The following ABCC1 variants were observed in gnomAD, a reference collection of about 807,000 sequenced individuals.
ABCC1 encodes multidrug resistance-associated protein 1.
ABCC1 carries 83 observed loss-of-function variants against 172.9 expected under a neutral mutation model. The observed-to-expected ratio is 0.48, with a 90% CI of 0.40 to 0.58. The LOEUF is 0.58. ABCC1 is among the 20% of genes least tolerant of loss of function. The pLI is 0.00. For synonymous variants in ABCC1, 937 were observed against 825.2 expected, an observed-to-expected ratio of 1.14 and a Z score of -2.32; for missense variants, 1,817 against 2,002.7, an observed-to-expected ratio of 0.91 and a Z score of 1.77.
At chr16:16,068,874 C>G (rs567067162) in intron 13 of ABCC1, among the ~76,000 whole-genome samples, 1 of 151,840 alleles carries the variant, frequency 6.6e-6, no homozygotes, top group East Asian at 1.9e-4. Context: ...GTAATCCCAG[C>G]TACTCGGAAG....
chr16:15,971,184 GC>G (rs1567279862), intron 1 of ABCC1, among the ~76,000 whole-genome samples: 2 of 152,198 alleles, frequency 1.3e-5, no homozygotes, highest in Non-Finnish European at 2.9e-5. Flanking sequence ...TGTCTGATTT[GC>G]ATAGGCCTCA....
chr16:16,110,206 C>A (rs1431696804), intron 21 of ABCC1, among the ~76,000 whole-genome samples: 3 of 151,796 alleles, frequency 2.0e-5, no homozygotes, highest in African/African-American at 7.3e-5. Flanking sequence ...CTTCAAGCGA[C>A]CCTTGTGCCT....
chr16:16,102,427 G>A (rs1036254147), intron 19 of ABCC1, among the ~76,000 whole-genome samples, 200 bp from the exon 20 acceptor site: 1 of 152,128 alleles, frequency 6.6e-6, no homozygotes, highest in East Asian at 1.9e-4. Context: ...CTACCCCAAG[G>A]GACTGAGCTC....
intron 12 of ABCC1, among the ~76,000 whole-genome samples, chr16:16,059,883 C>CT (rs925078261): frequency 5.3e-5 from 8 of 151,060 alleles, no homozygotes; most frequent in African/African-American, 1.9e-4. Flanking sequence ...GTCATCCAAG[C>CT]TTTTTGGGAG....
chr16:15,994,374 T>A (rs1464249530), intron 1 of ABCC1, among the ~76,000 whole-genome samples: 1 of 152,122 alleles, frequency 6.6e-6, no homozygotes, highest in Non-Finnish European at 1.5e-5. Flanking sequence ...ACATAAACTC[T>A]CTGGACCTCA....
At position 16,106,843 on chromosome 16, in the gene ABCC1, G is replaced by A; in HGVS notation, c.2841G>A (p.Leu947=). ...AEAKKEETWK[L]MEADKAQTGQ... is the part of the protein sequence containing the mutation. Reference sequence around the variant, plus strand: ...CCAAGAAGGAGGAGACCTGGAAGCTGATGGAGGCTGACAAGGCGCAGACAG... The same window carrying A: ...CCAAGAAGGAGGAGACCTGGAAGCTAATGGAGGCTGACAAGGCGCAGACAG... Residue 947 remains leucine, a synonymous_variant, in exon 21 of 31, where the codon CTG becomes CTA. Coordinates refer to ENST00000399410, the MANE Select transcript of ABCC1 (RefSeq NM_004996.4). The A allele has an allele frequency of 6.2e-7, 1 of 1,614,176 alleles. No individual in the cohort carries two copies. Among genetic ancestry groups the A allele is most frequent in the Non-Finnish European group, 8.5e-7 (1 of 1,180,046 alleles).
intron 28 of ABCC1, among the ~76,000 whole-genome samples, chr16:16,135,867 G>A (rs2045896765): frequency 1.3e-5 from 2 of 152,106 alleles, no homozygotes; most frequent in Non-Finnish European, 1.5e-5. Context: ...GTTGGATGAC[G>A]GGAGAATCCA....
intron 1 of ABCC1, among the ~76,000 whole-genome samples, chr16:15,956,176 C>G (rs2045993171): frequency 6.6e-6 from 1 of 152,062 alleles, no homozygotes; most frequent in Admixed American, 6.6e-5. Flanking sequence ...GAGTTTGAGA[C>G]CAGCCTGGCC....
At chr16:15,961,601 A>T (rs1027807037) in intron 1 of ABCC1, among the ~76,000 whole-genome samples, 3 of 152,118 alleles carry the variant, frequency 2.0e-5, no homozygotes, top group Non-Finnish European at 2.9e-5. Context: ...ATGCAAATGT[A>T]TGTGCAAGAA....
chr16:16,010,031 T>G, intron 3 of ABCC1, 130 bp downstream of exon 3: 1 of 421,370 alleles, frequency 2.4e-6, no homozygotes, highest in Non-Finnish European at 3.7e-6. Context: ...ATAAATTAAA[T>G]GTAGCCTTTT....
At chr16:16,005,701 C>A (rs62029839) in intron 1 of ABCC1, among the ~76,000 whole-genome samples, 78,385 of 152,032 alleles carry the variant, frequency 0.52, 20,727 homozygotes, top group Non-Finnish European at 0.59. Context: ...TCACGCCTGT[C>A]ATTCCAACAC....
intron 1 of ABCC1, among the ~76,000 whole-genome samples, chr16:15,950,557 G>T (rs910384260): frequency 2.0e-5 from 3 of 152,134 alleles, no homozygotes; most frequent in East Asian, 1.9e-4. Flanking sequence ...TTTAACCCCG[G>T]CAAGTTTTCT....
At chr16:16,040,047 G>GTTGT (rs201830811) in intron 7 of ABCC1, among the ~76,000 whole-genome samples, 15 of 148,196 alleles carry the variant, frequency 1.0e-4, no homozygotes, top group East Asian at 3.9e-4. Context: ...CGTGAGTTCT[G>GTTGT]TTGTTTGTTT....
At chr16:16,058,903 G>A (rs921130593) in intron 12 of ABCC1, among the ~76,000 whole-genome samples, 2 of 152,120 alleles carry the variant, frequency 1.3e-5, no homozygotes, top group Admixed American at 6.6e-5. Context: ...AGATCTACCC[G>A]CCTTGGCCTC....
chr16:16,029,034 A>G (rs144445149), intron 5 of ABCC1, among the ~76,000 whole-genome samples: 416 of 152,132 alleles, frequency 2.7e-3, no homozygotes, highest in African/African-American at 9.5e-3. Flanking sequence ...GCACTTAACA[A>G]ACTCCTTAGG....
At chr16:16,055,990 C>CA in intron 11 of ABCC1, 102 bp from the exon 12 acceptor site, 2 of 1,015,768 alleles carry the variant, frequency 2.0e-6, no homozygotes, top group Non-Finnish European at 2.9e-6. Flanking sequence ...ATTTACATGT[C>CA]AAAGTATATA....
At position 16,134,651 on chromosome 16, in the gene ABCC1, T is replaced by G; in HGVS notation, c.4125+143T>G. 2 of 860,994 alleles carry G rather than the reference T, an allele frequency of 2.3e-6. 1 individual carries two copies. Among genetic ancestry groups the G allele is most frequent in the Non-Finnish European group, 3.3e-6 (2 of 603,508 alleles). 53.3% of individuals were successfully genotyped at this position (860,994 alleles called of 1,614,324 possible). A position where few individuals can be genotyped will look rare whatever the true frequency, so the allele number is the denominator to read the frequency against. On this transcript the variant is annotated intron_variant, in intron 28 of 30. Transcript: ENST00000399410. ...TTTTTTTTTTTTTTTTTTTTTTTTTTCCTGAAACAGGGTCTCGCTCTGTTG... is the reference window on the plus strand; with the variant it reads ...TTTTTTTTTTTTTTTTTTTTTTTTTGCCTGAAACAGGGTCTCGCTCTGTTG...
chr16:15,988,658 T>C (rs2046794275), intron 1 of ABCC1, among the ~76,000 whole-genome samples: 1 of 152,106 alleles, frequency 6.6e-6, no homozygotes, highest in Non-Finnish European at 1.5e-5. Flanking sequence ...GGCCTCATGG[T>C]GCTTGGGAGA....
chr16:16,097,175 C>A (rs575274254), intron 19 of ABCC1, among the ~76,000 whole-genome samples: 5 of 152,226 alleles, frequency 3.3e-5, no homozygotes, highest in Non-Finnish European at 7.4e-5. Flanking sequence ...TGCAATGGTG[C>A]AATCTCGGCT....
Sources: gnomAD v4.1 joint callset for allele counts (sites outside exome capture counted in the v4.1 genomes callset) on GRCh38, gnomAD v4.1.1 for gene constraint, MANE v1.5 for transcripts, NCBI Gene and HGNC (gene_info 2026-07-23, HGNC 2026-07-21) for gene names.